MRPL43: variants seen among roughly 807,000 people sequenced by gnomAD.
The protein encoded by MRPL43 is mitochondrial ribosomal protein L43, also known as large ribosomal subunit protein mL43.
Under a neutral mutation model 12.7 loss-of-function variants are expected in MRPL43, and 9 were observed. The observed-to-expected ratio is 0.71, with a 90% CI of 0.43 to 1.24. MRPL43 has a LOEUF of 1.24. Ranked by LOEUF, MRPL43 falls within the 50% of genes most tolerant of loss-of-function variation. MRPL43 has a pLI of 0.00. For missense variants in MRPL43, 211 were observed against 229.2 expected, an observed-to-expected ratio of 0.92 and a Z score of 0.51; for synonymous variants, 116 against 96.4, an observed-to-expected ratio of 1.20 and a Z score of -1.19.
At position 100,987,202 on chromosome 10, in the gene MRPL43, C is replaced by T; in HGVS notation, c.132-6G>A. ...CCTCCCGCTCCACGAACTCCCTAAGCGACCCGGGACAGTGAGCAGTATGAC... is the reference window on the plus strand; with the variant it reads ...CCTCCCGCTCCACGAACTCCCTAAGTGACCCGGGACAGTGAGCAGTATGAC... On this transcript the variant is annotated splice_region_variant and splice_polypyrimidine_tract_variant and intron_variant, in intron 1 of 2. Coordinates refer to ENST00000318364, the MANE Select transcript of MRPL43 (RefSeq NM_032112.3). 6.2e-7 allele frequency: 1 copy of T among 1,613,766 alleles called. No individual in the cohort carries two copies. Among genetic ancestry groups the T allele is most frequent in the Non-Finnish European group, 8.5e-7 (1 of 1,180,020 alleles).
At chr10:100,979,500 G>C, downstream of MRPL43, 1 of 1,185,738 alleles carries the variant, frequency 8.4e-7, no homozygotes, top group Non-Finnish European at 1.2e-6. Flanking sequence ...ATCCTGCCTC[G>C]GCCTCCCGAG....
chr10:100,983,293 C>T (rs763789894), downstream of MRPL43: 162 of 1,515,598 alleles, frequency 1.1e-4, no homozygotes, highest in Non-Finnish European at 1.4e-4. Flanking sequence ...ACCTCTCCCC[C>T]AAACCCCACA....
chr10:100,984,938 A>G (rs1851362081), downstream of MRPL43: 1 of 1,287,330 alleles, frequency 7.8e-7, no homozygotes. Context: ...ACATGTGGTA[A>G]CACACACCTG....
At chr10:100,978,997 CCGTGTGGCT>C, downstream of MRPL43, 1 of 1,614,146 alleles carries the variant, frequency 6.2e-7, no homozygotes, top group South Asian at 1.1e-5. Context: ...ACCGTGTGGC[CCGTGTGGCT>C]CGTGTCTGCA....
chr10:100,983,479 C>T, downstream of MRPL43: 1 of 1,614,180 alleles, frequency 6.2e-7, no homozygotes. Flanking sequence ...GTTACAGATG[C>T]ACAGCCTGAG....
At chr10:100,983,205 T>C, downstream of MRPL43, 1 of 1,344,440 alleles carries the variant, frequency 7.4e-7, no homozygotes, top group Non-Finnish European at 9.9e-7. Context: ...TTCTGGGTTC[T>C]GTGCTTGGTG....
At position 100,986,865 on chromosome 10, in the gene MRPL43, T is replaced by A. The variant is rs1338885054; in HGVS notation, c.349A>T (p.Lys117Ter). ...QSGLDVIRIR[K>*]PFHTDNPSIQ... ...CTAGGGTTGTCGGTGTGGAAGGGCT[T>A]GCGGATGCGGATCACGTCCAAGCCC... The change falls in exon 3 of 3, where the codon AAG (lysine) becomes TAG (stop). Residue 117 changes from lysine to a stop codon, truncating the protein, a stop_gained. Transcript: ENST00000318364. LOFTEE classifies it high-confidence loss of function. The A allele has an allele frequency of 1.2e-6, 2 of 1,613,540 alleles. No individual in the cohort carries two copies. The highest frequency in any genetic ancestry group is 1.3e-5 in the African/African-American group (1 of 74,938).
downstream of MRPL43, chr10:100,980,122 T>A (rs775053317): frequency 6.2e-7 from 1 of 1,614,048 alleles, no homozygotes; most frequent in Admixed American, 1.7e-5. Context: ...CCCACGCCAG[T>A]GTATCACAGA....
At chr10:100,977,820 T>C (rs1023037277), downstream of MRPL43, 32 of 1,137,422 alleles carry the variant, frequency 2.8e-5, no homozygotes, top group African/African-American at 4.0e-4. Flanking sequence ...TCAGAGCCAG[T>C]GAAGGAGACG....
At chr10:100,985,490 T>C (rs1851404319), downstream of MRPL43, 1 of 152,692 alleles carries the variant, frequency 6.5e-6, no homozygotes, top group Non-Finnish European at 1.5e-5. Context: ...ATTGTGAGAA[T>C]GGCTACACTT....
chr10:100,983,696 C>T, downstream of MRPL43: 1 of 1,613,552 alleles, frequency 6.2e-7, no homozygotes, highest in Non-Finnish European at 8.5e-7. Context: ...TGGCCTCCTC[C>T]CTCCTCTATG....
chr10:100,978,216 G>T, downstream of MRPL43: 1 of 1,028,554 alleles, frequency 9.7e-7, no homozygotes, highest in South Asian at 1.4e-5. Flanking sequence ...GCTGATCCCT[G>T]ACCCCAGACT....
chr10:100,986,754 C>G lies in MRPL43; in HGVS notation c.460G>C (p.Ala154Pro), dbSNP rs1564803977. Residue 154 changes from alanine to proline, a missense_variant, in exon 3 of 3, where the codon GCC (alanine) becomes CCC (proline). Physicochemically the swap from Ala to Pro is conservative, Grantham distance 27. Transcript: ENST00000318364. ...ACTCTTCACTGTGCTTGCACCTGGG[C>G]TGGGGCAGGATCCTGAACCTCTCGG... ...RPREVQDPAP[A>P]QVQAQ 1 of 1,613,792 alleles carries G rather than the reference C, an allele frequency of 6.2e-7. No individual in the cohort carries two copies. Among genetic ancestry groups the G allele is most frequent in the Admixed American group, 1.7e-5 (1 of 60,014 alleles).
chr10:100,983,725 G>T (rs774916385), downstream of MRPL43: 1 of 1,613,338 alleles, frequency 6.2e-7, no homozygotes, highest in African/African-American at 1.3e-5. Flanking sequence ...CTGCGGGAAG[G>T]CAGACGAGGG....
downstream of MRPL43, chr10:100,978,880 G>A (rs1178341036): frequency 3.7e-6 from 6 of 1,614,060 alleles, no homozygotes; most frequent in Admixed American, 1.7e-5. Context: ...TCCTCGTGCG[G>A]GAGAGCAAGG....
At chr10:100,983,760 C>A, downstream of MRPL43, 1 of 1,610,532 alleles carries the variant, frequency 6.2e-7, no homozygotes, top group South Asian at 1.1e-5. Context: ...CTCACTGGGT[C>A]GGGCCAGCCG....
chr10:100,980,126 TCA>T, downstream of MRPL43: 4 of 1,614,164 alleles, frequency 2.5e-6, no homozygotes, highest in Non-Finnish European at 3.4e-6. Context: ...CGCCAGTGTA[TCA>T]CAGATTCATT....
chr10:100,980,390 A>C (rs1440766334), downstream of MRPL43: 3 of 1,546,188 alleles, frequency 1.9e-6, no homozygotes, highest in East Asian at 6.8e-5. Flanking sequence ...CTGATCACTA[A>C]TGCTTCTGAA....
chr10:100,979,846 AG>A, downstream of MRPL43: 1 of 1,613,186 alleles, frequency 6.2e-7, no homozygotes, highest in Non-Finnish European at 8.5e-7. Flanking sequence ...GTCCCATTCT[AG>A]GAAGACCCTG....
Sources: allele counts gnomAD v4.1 joint callset, GRCh38; gene constraint gnomAD v4.1.1; transcripts MANE v1.5; gene names NCBI Gene and HGNC (gene_info 2026-07-23, HGNC 2026-07-21).